Variants in EEPD1 observed in about 807,000 individuals in gnomAD.
EEPD1 encodes the protein endonuclease/exonuclease/phosphatase family domain-containing protein 1.
EEPD1 carries 17 observed loss-of-function variants against 46.3 expected under a neutral mutation model. The ratio of observed to expected loss-of-function variants is 0.37; its 90% CI spans 0.25 to 0.55. The LOEUF (loss-of-function observed/expected upper bound fraction) is 0.55. Among genes scored for constraint, EEPD1 ranks in the 20% least tolerant of loss-of-function variants. EEPD1 has a pLI of 0.83. For missense variants in EEPD1, 673 were observed against 745.6 expected (o/e 0.90, Z 1.13); for synonymous variants, 313 against 315.6 (o/e 0.99, Z 0.09).
intron 3 of EEPD1, among the ~76,000 whole-genome samples, chr7:36,271,099 G>T (rs1787095099): frequency 6.6e-6 from 1 of 152,006 alleles, no homozygotes; most frequent in Non-Finnish European, 1.5e-5. Flanking sequence ...CCATTCCCCT[G>T]CCTCAGCCTC....
chr7:36,244,767 ATT>A (rs140539379), intron 3 of EEPD1, among the ~76,000 whole-genome samples: 68 of 108,386 alleles, frequency 6.3e-4, no homozygotes, highest in East Asian at 1.3e-3. Context: ...TTCAGAGTTG[ATT>A]TTTTTTTTTT....
intron 3 of EEPD1, 148 bp from the exon 4 acceptor site, chr7:36,280,967 A>G: frequency 1.7e-6 from 1 of 598,972 alleles, no homozygotes; most frequent in Non-Finnish European, 2.9e-6. Context: ...TGCAAACCCT[A>G]GTGTTTGAAA....
intron 3 of EEPD1, among the ~76,000 whole-genome samples, chr7:36,268,703 C>T (rs1389611191): frequency 6.6e-6 from 1 of 152,172 alleles, no homozygotes; most frequent in Non-Finnish European, 1.5e-5. Context: ...TCTCTGTAGT[C>T]TAGGCCTGAG....
chr7:36,285,881 G>A (rs1213777960), intron 5 of EEPD1, among the ~76,000 whole-genome samples: 9 of 152,170 alleles, frequency 5.9e-5, no homozygotes, highest in Admixed American at 5.9e-4. Flanking sequence ...GCTCACCCTG[G>A]GGGTATCTGT....
chr7:36,165,411 CTTTTTTTTTTT>C (rs56236165), intron 2 of EEPD1, among the ~76,000 whole-genome samples: 2 of 62,062 alleles, frequency 3.2e-5, no homozygotes, highest in African/African-American at 1.4e-4. Flanking sequence ...GATCCATTTC[CTTTTTTTTTTT>C]TTTTTTTTTT....
rs1787614208 is a variant in EEPD1 at position 36,301,004 on chromosome 7, T to TAAA, written c.*1798_*1799insAAA. 6.6e-6 allele frequency: 1 copy of TAAA among 152,202 alleles called. No individual in the cohort carries two copies. Among genetic ancestry groups the TAAA allele is most frequent in the African/African-American group, 2.4e-5 (1 of 41,434 alleles). 9.4% of individuals were successfully genotyped at this position (152,202 alleles called of 1,614,324 possible). On this transcript the variant is annotated 3_prime_UTR_variant, in exon 8 of 8. Transcript: ENST00000242108. Reference sequence around the variant, plus strand: ...TCGTTTCTGGTGCCTCATCTAAAGGTGAAACCTCCCCTACATTCACCAGCC... The same window carrying TAAA: ...TCGTTTCTGGTGCCTCATCTAAAGGTAAAGAAACCTCCCCTACATTCACCAGCC...
intron 2 of EEPD1, among the ~76,000 whole-genome samples, chr7:36,167,712 TTTATTA>T (rs374228206): frequency 2.0e-5 from 3 of 151,694 alleles, no homozygotes; most frequent in African/African-American, 7.2e-5. Context: ...CATAGTGCCC[TTTATTA>T]TTATTATTAT....
chr7:36,193,012 C>G lies in EEPD1; in HGVS notation c.878+37810C>G, dbSNP rs1785485954. ...AGTGGGGATGCGCAGCGAGGGGCAG[C>G]TCAGGGCTGGACTCTTCACTGCTGT... On this transcript the variant is annotated intron_variant, in intron 2 of 7. Coordinates refer to ENST00000242108, the MANE Select transcript of EEPD1 (RefSeq NM_030636.3). This position sits in a 1 kb window ranked among gnomAD's most constrained non-coding sequence, Gnocchi z 4.9. Among the ~76,000 whole-genome samples the G allele has an allele frequency of 6.6e-6, 1 of 152,216 alleles. No homozygotes were observed. The highest frequency in any genetic ancestry group is 2.4e-5 in the African/African-American group (1 of 41,446).
rs1785527622 is a variant in EEPD1, at chr7:36,193,880, C to T, written c.878+38678C>T. On this transcript the variant is annotated intron_variant, in intron 2 of 7. Transcript: ENST00000242108. The surrounding 1 kb of genome is among the most constrained non-coding windows in gnomAD (Gnocchi z 4.9). The stretch of plus-strand genomic sequence containing the variant: ...TGACACCATTCTGTGGGAGAGATGA[C>T]AGTAAAATTAGGCTGTGGACATAAT... Among the ~76,000 whole-genome samples the T allele has an allele frequency of 6.6e-6, 1 of 152,090 alleles. No homozygotes were observed. The highest frequency in any genetic ancestry group is 2.1e-4 in the South Asian group (1 of 4,836).
Position 36,154,407 on chromosome 7 carries a change from G to A in EEPD1, c.83G>A (p.Cys28Tyr). Reference protein sequence around the residue: ...LSHSRKFSAACNFSNILVNQE... With the variant: ...LSHSRKFSAAYNFSNILVNQE... ...CATAGCCGCAAGTTCAGCGCAGCCT[G>A]TAACTTCAGCAACATTCTAGTGAAT... Residue 28 changes from cysteine to tyrosine, a missense_variant, in exon 2 of 8, where the codon TGT (cysteine) becomes TAT (tyrosine). By Grantham distance (194) the Cys-to-Tyr change is radical. Coordinates refer to ENST00000242108, the MANE Select transcript of EEPD1 (RefSeq NM_030636.3). This position sits in a 1 kb window ranked among gnomAD's most constrained non-coding sequence, Gnocchi z 4.2. 6.2e-7 allele frequency: 1 copy of A among 1,614,134 alleles called. No individual in the cohort carries two copies. Among genetic ancestry groups the A allele is most frequent in the Non-Finnish European group, 8.5e-7 (1 of 1,180,030 alleles).
intron 3 of EEPD1, among the ~76,000 whole-genome samples, chr7:36,277,744 A>G (rs1288694764): frequency 6.6e-6 from 1 of 152,224 alleles, no homozygotes; most frequent in Non-Finnish European, 1.5e-5. Context: ...GCTTGTAGCC[A>G]TAAACACTTA....
chr7:36,174,998 A>G (rs535822802), intron 2 of EEPD1, among the ~76,000 whole-genome samples: 1 of 152,320 alleles, frequency 6.6e-6, no homozygotes, highest in East Asian at 1.9e-4. Flanking sequence ...CAGAAGGAGG[A>G]AAGTGACGTA....
intron 3 of EEPD1, among the ~76,000 whole-genome samples, chr7:36,239,946 G>A (rs1786529822): frequency 6.6e-6 from 1 of 152,232 alleles, no homozygotes; most frequent in Admixed American, 6.5e-5. Context: ...AGAGAGACAA[G>A]CACTTGAACT....
chr7:36,243,811 A>G (rs1199774777), intron 3 of EEPD1, among the ~76,000 whole-genome samples: 1 of 149,528 alleles, frequency 6.7e-6, no homozygotes, highest in Non-Finnish European at 1.5e-5. Flanking sequence ...AAAACCAAAC[A>G]CCGCATGTTC....
chr7:36,221,547 C>G (rs1786145959), intron 2 of EEPD1, among the ~76,000 whole-genome samples: 1 of 152,210 alleles, frequency 6.6e-6, no homozygotes, highest in Non-Finnish European at 1.5e-5. Context: ...ATATACCAGC[C>G]TGGCACCATA....
chr7:36,288,802 G>C (rs185119821), intron 6 of EEPD1, among the ~76,000 whole-genome samples: 15 of 151,526 alleles, frequency 9.9e-5, no homozygotes, highest in Middle Eastern at 6.8e-3. Flanking sequence ...CAGGACAAAG[G>C]GGGGCTATGC....
chr7:36,282,226 C>A (rs369902157), intron 4 of EEPD1, among the ~76,000 whole-genome samples: 1 of 152,214 alleles, frequency 6.6e-6, no homozygotes, highest in Non-Finnish European at 1.5e-5. Context: ...AAGAATAATA[C>A]CACCTTCCTT....
At chr7:36,226,291 G>A (rs1488590644) in intron 2 of EEPD1, among the ~76,000 whole-genome samples, 1 of 152,168 alleles carries the variant, frequency 6.6e-6, no homozygotes, top group Non-Finnish European at 1.5e-5. Context: ...TGAATGATGA[G>A]TACTAATAGC....
At chr7:36,206,199 G>A (rs572496479) in intron 2 of EEPD1, among the ~76,000 whole-genome samples, 11 of 152,210 alleles carry the variant, frequency 7.2e-5, no homozygotes, top group South Asian at 2.1e-4. Flanking sequence ...AGAAATGAGC[G>A]AATCTCCTTG....
Sources: gnomAD v4.1 joint callset for allele counts (sites outside exome capture counted in the v4.1 genomes callset) on GRCh38, gnomAD v4.1.1 for gene constraint, Gnocchi (gnomAD v3.1) non-coding constraint, MANE v1.5 for transcripts, NCBI Gene and HGNC (gene_info 2026-07-23, HGNC 2026-07-21) for gene names.